MKLN1: variants seen among roughly 807,000 people sequenced by gnomAD.
MKLN1 encodes muskelin.
A neutral mutation model predicts 99.0 loss-of-function variants in MKLN1; 18 were observed. The observed-to-expected ratio is 0.18, with a 90% CI of 0.13 to 0.27. The LOEUF is 0.27. Among genes scored for constraint, MKLN1 ranks in the 10% least tolerant of loss-of-function variants. The pLI, the probability that MKLN1 is intolerant of heterozygous loss-of-function variation, is 1.00. For missense variants in MKLN1, 621 were observed against 875.9 expected, an observed-to-expected ratio of 0.71 and a Z score of 3.67; for synonymous variants, 288 against 293.2, an observed-to-expected ratio of 0.98 and a Z score of 0.18.
chr7:131,395,967 A>G (rs960599128), intron 4 of MKLN1, among the ~76,000 whole-genome samples: 2 of 151,792 alleles, frequency 1.3e-5, no homozygotes, highest in East Asian at 1.9e-4. Flanking sequence ...TATAAATAGG[A>G]CTTTTTTGAG....
intron 3 of MKLN1, among the ~76,000 whole-genome samples, chr7:131,300,355 G>A (rs566304862): frequency 6.6e-6 from 1 of 151,596 alleles, no homozygotes; most frequent in Non-Finnish European, 1.5e-5. Context: ...AGTTTGGAGG[G>A]TGGGAAAAAA....
At chr7:131,379,704 A>ATG (rs1301293165) in intron 2 of MKLN1, among the ~76,000 whole-genome samples, 2 of 152,234 alleles carry the variant, frequency 1.3e-5, no homozygotes, top group Non-Finnish European at 2.9e-5. Context: ...AACGTAAGGA[A>ATG]TGTAGTTGGA....
At chr7:131,405,240 C>A (rs1794665282) in intron 6 of MKLN1, among the ~76,000 whole-genome samples, 2 of 151,758 alleles carry the variant, frequency 1.3e-5, no homozygotes, top group Admixed American at 1.3e-4. Context: ...TATATTTTTC[C>A]ATCAGCACAT....
intron 1 of MKLN1, among the ~76,000 whole-genome samples, chr7:131,116,868 C>T (rs1412269557): frequency 6.6e-6 from 1 of 152,048 alleles, no homozygotes; most frequent in African/African-American, 2.4e-5. Context: ...ACTTGGCTGG[C>T]CAGGCTGGGA....
chr7:131,384,172 T>C (rs1793937827), intron 2 of MKLN1, among the ~76,000 whole-genome samples: 1 of 151,820 alleles, frequency 6.6e-6, no homozygotes, highest in East Asian at 1.9e-4. Flanking sequence ...CACTACTTTT[T>C]TTTTTTTTGC....
intron 1 of MKLN1, among the ~76,000 whole-genome samples, chr7:131,134,757 C>G (rs73726310): frequency 7.6e-4 from 115 of 152,302 alleles, no homozygotes; most frequent in African/African-American, 2.7e-3. Context: ...CTTCTTTAGA[C>G]TATTACAGTA....
Position 131,355,672 on chromosome 7 carries a change from GT to G in MKLN1, c.99-19740del, listed in dbSNP as rs1237493590. Among the ~76,000 whole-genome samples the G allele has an allele frequency of 3.7e-3, 460 of 124,078 alleles. 4 individuals carry two copies. The highest frequency in any genetic ancestry group is 0.013 in the African/African-American group (408 of 31,758). The allele number at this position is 124,078 out of a possible 152,430, so 81.4% of individuals were successfully genotyped here. A position where few individuals can be genotyped will look rare whatever the true frequency, so the allele number is the denominator to read the frequency against. On this transcript the variant is annotated intron_variant, in intron 1 of 17. Transcript: ENST00000352689. ...TATGCTTTAAGTTCTGGGGTTTTTT[GT>G]TTTTTTTTTTTAAACAGGTCTCTTT...
At chr7:131,176,203 A>C (rs1470364492) in intron 2 of MKLN1, among the ~76,000 whole-genome samples, 2 of 152,206 alleles carry the variant, frequency 1.3e-5, no homozygotes, top group African/African-American at 4.8e-5. Flanking sequence ...TAAAATATGC[A>C]ATTAATGGTA....
chr7:131,132,938 AAAAAAAAAAAAAGAAAGAAAGAAAG>A (rs1425094996), intron 1 of MKLN1, among the ~76,000 whole-genome samples: 2 of 129,144 alleles, frequency 1.5e-5, no homozygotes, highest in Non-Finnish European at 3.2e-5. Context: ...AAAAAAAAAA[AAAAAAAAAAAAAGAAAGAAAGAAAG>A]AAAGAAAGAA....
At chr7:131,247,067 A>G (rs191161863) in intron 3 of MKLN1, among the ~76,000 whole-genome samples, 7 of 152,244 alleles carry the variant, frequency 4.6e-5, no homozygotes, top group Non-Finnish European at 1.0e-4. Context: ...ACTGGTGTTG[A>G]CAAGTACAAG....
intron 1 of MKLN1, among the ~76,000 whole-genome samples, chr7:131,134,259 T>C (rs967646403): frequency 1.3e-5 from 2 of 152,184 alleles, no homozygotes; most frequent in East Asian, 3.8e-4. Context: ...GTCTCTTTCC[T>C]TGCAGACCTC....
At chr7:131,376,312 C>T (rs1793661431) in intron 2 of MKLN1, among the ~76,000 whole-genome samples, 1 of 145,584 alleles carries the variant, frequency 6.9e-6, no homozygotes, top group South Asian at 2.2e-4. Context: ...CGAGGCTAGC[C>T]TGGGCAACAC....
At chr7:131,477,383 C>CA (rs5887507) in intron 16 of MKLN1, among the ~76,000 whole-genome samples, 78,737 of 139,298 alleles carry the variant, frequency 0.57, 21,973 homozygotes, top group East Asian at 0.69. Flanking sequence ...TCGTCTCTAC[C>CA]AAAAAAAAAA....
chr7:131,111,729 G>T (rs962015091), intron 1 of MKLN1, among the ~76,000 whole-genome samples: 1 of 151,600 alleles, frequency 6.6e-6, no homozygotes, highest in Non-Finnish European at 1.5e-5. Context: ...AGACAAACTC[G>T]AGTAAAGAGT....
rs181368356 is a variant in MKLN1 at position 131,471,120 on chromosome 7, G to A, written c.2031+176G>A. ...ATAAAAATTGAATAGGCATGTTTTC[G>A]TGTGATAAGATTCAAGTCACCAAAA... is the stretch of plus-strand genomic sequence containing the variant. On this transcript the variant is annotated intron_variant, in intron 16 of 17. Transcript: ENST00000352689. 1.4e-4 allele frequency: 74 copies of A among 517,030 alleles called. No homozygotes were observed. In the Admixed American group the frequency reaches 1.8e-3, roughly 12 times the overall value. 32.0% of individuals were successfully genotyped at this position (517,030 alleles called of 1,614,324 possible).
chr7:131,226,610 T>G (rs949727062), intron 3 of MKLN1, among the ~76,000 whole-genome samples: 4 of 152,204 alleles, frequency 2.6e-5, no homozygotes, highest in African/African-American at 9.7e-5. Context: ...GTCATTTCAC[T>G]ATTGGAGTTT....
At chr7:131,329,795 A>G (rs1799017521) in intron 1 of MKLN1, among the ~76,000 whole-genome samples, 1 of 152,240 alleles carries the variant, frequency 6.6e-6, no homozygotes, top group Non-Finnish European at 1.5e-5. Flanking sequence ...TGCAGTGGGC[A>G]GAACACTAGT....
At chr7:131,200,838 A>G (rs1796716077) in intron 2 of MKLN1, among the ~76,000 whole-genome samples, 1 of 152,236 alleles carries the variant, frequency 6.6e-6, no homozygotes. Context: ...TCCTTAACTA[A>G]GAGTGGCACT....
At chr7:131,470,790 T>A in intron 15 of MKLN1, 52 bp from the exon 16 acceptor site, 1 of 1,165,498 alleles carries the variant, frequency 8.6e-7, no homozygotes, top group Non-Finnish European at 1.3e-6. Context: ...TGAAAGACAT[T>A]TCTGATATTT....
Sources: gnomAD v4.1 joint callset for allele counts (sites outside exome capture counted in the v4.1 genomes callset) on GRCh38, gnomAD v4.1.1 for gene constraint, MANE v1.5 for transcripts, NCBI Gene and HGNC (gene_info 2026-07-23, HGNC 2026-07-21) for gene names.